The following SLC16A12 variants were observed in gnomAD, a reference collection of about 807,000 sequenced individuals.
The protein encoded by SLC16A12 is solute carrier family 16 member 12.
A neutral mutation model predicts 42.4 loss-of-function variants in SLC16A12; 17 were observed. That is an observed-to-expected ratio of 0.40 (90% CI 0.27 to 0.60). SLC16A12 has a LOEUF of 0.60. SLC16A12 is among the 20% of genes least tolerant of loss of function. The pLI, the probability that SLC16A12 is intolerant of heterozygous loss-of-function variation, is 0.42. For missense variants in SLC16A12, 544 were observed against 623.0 expected (o/e 0.87, Z 1.35); for synonymous variants, 224 against 229.4 (o/e 0.98, Z 0.21).
At chr10:89,453,571 A>G (rs61855175) in intron 3 of SLC16A12, among the ~76,000 whole-genome samples, 2,239 of 152,340 alleles carry the variant, frequency 0.015, 32 homozygotes, top group Middle Eastern at 0.041. Context: ...ATACAGTAAC[A>G]TGCTGTACCG....
intron 2 of SLC16A12, among the ~76,000 whole-genome samples, chr10:89,489,927 A>G (rs1045191439): frequency 2.0e-5 from 3 of 152,228 alleles, no homozygotes; most frequent in Non-Finnish European, 4.4e-5. Flanking sequence ...ACTAGTCATC[A>G]TCAAGGGGAA....
intron 3 of SLC16A12, among the ~76,000 whole-genome samples, chr10:89,445,914 G>T (rs1841992869): frequency 6.6e-6 from 1 of 152,184 alleles, no homozygotes; most frequent in South Asian, 2.1e-4. Flanking sequence ...GACCTTAAAT[G>T]ACCTGATGGA....
At position 89,435,961 on chromosome 10, in the gene SLC16A12, C is replaced by G. The variant is rs894695358; in HGVS notation, c.1288+99G>C. 1.9e-6 allele frequency: 3 copies of G among 1,540,592 alleles called. No individual in the cohort carries two copies. In the African/African-American group the frequency reaches 4.1e-5, roughly 21 times the overall value. On this transcript the variant is annotated intron_variant, in intron 7 of 7. Transcript: ENST00000371790. Reference sequence around the variant, plus strand: ...TTTTCTCTTTCACTCTTCCCCAACTCTCTTGACAGTCCTTCTCATTGACTG... The same window carrying G: ...TTTTCTCTTTCACTCTTCCCCAACTGTCTTGACAGTCCTTCTCATTGACTG...
At chr10:89,436,743 C>T (rs1179198353) in intron 6 of SLC16A12, among the ~76,000 whole-genome samples, 1 of 138,712 alleles carries the variant, frequency 7.2e-6, no homozygotes, top group Non-Finnish European at 1.5e-5. Flanking sequence ...TCTTGGGCCA[C>T]ACATAAAATA....
At chr10:89,450,586 G>A (rs117708705) in intron 3 of SLC16A12, among the ~76,000 whole-genome samples, 3,866 of 152,242 alleles carry the variant, frequency 0.025, 68 homozygotes, top group African/African-American at 0.04. Context: ...GGCAGGGAAC[G>A]GCACACACTG....
At chr10:89,443,184 C>T (rs1018268837) in intron 4 of SLC16A12, among the ~76,000 whole-genome samples, 8 of 152,186 alleles carry the variant, frequency 5.3e-5, no homozygotes, top group South Asian at 2.1e-4. Context: ...TATCTCATGA[C>T]GACATAATCC....
chr10:89,523,001 T>A (rs770241551), intron 2 of SLC16A12, among the ~76,000 whole-genome samples: 28 of 152,218 alleles, frequency 1.8e-4, no homozygotes, highest in Non-Finnish European at 5.9e-5. Flanking sequence ...TTTATTCATA[T>A]CCACATGCAT....
intron 2 of SLC16A12, among the ~76,000 whole-genome samples, chr10:89,545,025 C>T (rs1194722715): frequency 2.6e-5 from 4 of 152,112 alleles, no homozygotes; most frequent in African/African-American, 9.7e-5. Context: ...GGGGTTATAC[C>T]TCCATCTGGC....
intron 2 of SLC16A12, among the ~76,000 whole-genome samples, chr10:89,548,073 G>C (rs1843751284): frequency 6.6e-6 from 1 of 151,556 alleles, no homozygotes; most frequent in Non-Finnish European, 1.5e-5. Context: ...ATTTCAAAAA[G>C]CAGGAAGGAA....
At position 89,432,888 on chromosome 10, in the gene SLC16A12, C is replaced by T; in HGVS notation, c.*176G>A. ...CAAATGAGAAGGCTCTGGGCTAGTC[C>T]AGCTTTCCTTATTATGTGCTGTTTT... On this transcript the variant is annotated 3_prime_UTR_variant, in exon 8 of 8. Coordinates refer to ENST00000371790, the MANE Select transcript of SLC16A12 (RefSeq NM_213606.4). 1 of 911,896 alleles carries T rather than the reference C, an allele frequency of 1.1e-6. No homozygotes were observed. The highest frequency in any genetic ancestry group is 1.8e-5 in the South Asian group (1 of 54,926). The allele number at this position is 911,896 out of a possible 1,614,324, so 56.5% of individuals were successfully genotyped here. A position where few individuals can be genotyped will look rare whatever the true frequency, so the allele number is the denominator to read the frequency against.
chr10:89,539,980 T>G (rs202081901), upstream of SLC16A12, among the ~76,000 whole-genome samples: 73 of 151,040 alleles, frequency 4.8e-4, no homozygotes, highest in African/African-American at 1.8e-3. Context: ...TTTCTCTCTT[T>G]CTTTCTTTCT....
intron 3 of SLC16A12, 70 bp from the exon 4 acceptor site, chr10:89,443,929 G>A (rs1325340130): frequency 4.9e-6 from 5 of 1,013,626 alleles, no homozygotes; most frequent in Non-Finnish European, 7.7e-6. Context: ...AACTTAAAAT[G>A]TTTGGTTCAA....
At chr10:89,521,208 A>G (rs1313089070) in intron 2 of SLC16A12, among the ~76,000 whole-genome samples, 1 of 152,212 alleles carries the variant, frequency 6.6e-6, no homozygotes, top group Non-Finnish European at 1.5e-5. Context: ...TGTCTCTGTC[A>G]TAGACATTGT....
intron 2 of SLC16A12, among the ~76,000 whole-genome samples, chr10:89,550,669 T>C (rs1000267739): frequency 1.5e-4 from 23 of 151,672 alleles, no homozygotes; most frequent in Middle Eastern, 3.4e-3. Flanking sequence ...CGCCTTTCTC[T>C]ACATCATCTC....
intron 7 of SLC16A12, among the ~76,000 whole-genome samples, chr10:89,433,646 A>C (rs1256872751): frequency 3.3e-5 from 5 of 152,228 alleles, no homozygotes. Flanking sequence ...GCATCATTTA[A>C]ATTATTAAGG....
intron 2 of SLC16A12, among the ~76,000 whole-genome samples, chr10:89,481,106 T>G (rs1346349641): frequency 6.6e-6 from 1 of 152,172 alleles, no homozygotes; most frequent in Non-Finnish European, 1.5e-5. Flanking sequence ...CCATCTATGT[T>G]GGGATATTAA....
At chr10:89,539,433 G>A (rs542330872), upstream of SLC16A12, among the ~76,000 whole-genome samples, 13 of 152,194 alleles carry the variant, frequency 8.5e-5, no homozygotes, top group African/African-American at 2.9e-4. Flanking sequence ...TAAATAACAC[G>A]TGTGTTAACT....
chr10:89,436,908 G>GAAAGAA (rs903187527), intron 6 of SLC16A12, among the ~76,000 whole-genome samples: 1 of 148,248 alleles, frequency 6.7e-6, no homozygotes, highest in African/African-American at 2.6e-5. Context: ...AAGAAAGAAA[G>GAAAGAA]AAAGAAAAAG....
Position 89,430,528 on chromosome 10 carries a change from G to A in SLC16A12, c.*2536C>T. On this transcript the variant is annotated 3_prime_UTR_variant, in exon 8 of 8. Transcript: ENST00000371790. The stretch of plus-strand genomic sequence containing the variant: ...ATTATCCCACTATAATTTTGTTCTT[G>A]ATTCCACAAAATACATCATTCCCAT... The A allele has an allele frequency of 2.4e-6, 1 of 415,622 alleles. No individual in the cohort carries two copies. The highest frequency in any genetic ancestry group is 8.1e-5 in the East Asian group (1 of 12,398). 25.7% of individuals were successfully genotyped at this position (415,622 alleles called of 1,614,324 possible). A position where few individuals can be genotyped will look rare whatever the true frequency, so the allele number is the denominator to read the frequency against.
Sources: gnomAD v4.1 joint callset for allele counts (sites outside exome capture counted in the v4.1 genomes callset) on GRCh38, gnomAD v4.1.1 for gene constraint, MANE v1.5 for transcripts, NCBI Gene and HGNC (gene_info 2026-07-23, HGNC 2026-07-21) for gene names.